PDILT: variants seen among roughly 807,000 people sequenced by gnomAD.
PDILT encodes protein disulfide-isomerase-like protein of the testis.
Under a neutral mutation model 53.7 loss-of-function variants are expected in PDILT, and 43 were observed. The observed-to-expected ratio is 0.80, with a 90% CI of 0.63 to 1.03. The LOEUF (loss-of-function observed/expected upper bound fraction) is 1.03. Ranked by LOEUF, PDILT falls within the 50% of genes least tolerant of loss-of-function variation. The pLI is 0.00. For synonymous variants in PDILT, 282 were observed against 274.2 expected, an observed-to-expected ratio of 1.03 and a Z score of -0.28; for missense variants, 727 against 712.3, an observed-to-expected ratio of 1.02 and a Z score of -0.24.
chr16:20,400,046 C>T (rs60580363), intron 1 of PDILT, among the ~76,000 whole-genome samples: 1 of 122,166 alleles, frequency 8.2e-6, no homozygotes, highest in African/African-American at 3.7e-5. Context: ...ATCTATCTAT[C>T]TATCTATCTA....
intron 1 of PDILT, among the ~76,000 whole-genome samples, chr16:20,400,281 G>A (rs1046473075): frequency 5.9e-5 from 9 of 151,876 alleles, no homozygotes; most frequent in Non-Finnish European, 8.8e-5. Flanking sequence ...CACCATGTTG[G>A]CCAGGCTGGT....
chr16:20,360,143 T>C (rs1966076476), intron 11 of PDILT, among the ~76,000 whole-genome samples: 1 of 152,108 alleles, frequency 6.6e-6, no homozygotes, highest in African/African-American at 2.4e-5. Flanking sequence ...AAGAGTAGTG[T>C]CTGAAATTTC....
intron 2 of PDILT, chr16:20,386,021 A>C (rs1373358865): frequency 6.6e-6 from 1 of 152,192 alleles, no homozygotes; most frequent in Non-Finnish European, 1.5e-5. Context: ...GCAGGTAAGG[A>C]AAACCAGGTG....
Position 20,374,863 on chromosome 16 carries a change from G to C in PDILT, c.640C>G (p.Arg214Gly), listed in dbSNP as rs144890989. ...GVITIGNVIG[R>G]FHVTLDSVLV... ...ACGCTGTCAAGGGTGACGTGGAAAC[G>C]CCCAATGACATTGCCAATCGTTATG... is the stretch of plus-strand genomic sequence containing the variant. The change falls in exon 5 of 12, where the codon CGT becomes GGT. Residue 214 changes from arginine to glycine, a missense_variant. By Grantham distance (125) the Arg-to-Gly change is moderately radical (BLOSUM62 -2). Coordinates refer to ENST00000302451, the MANE Select transcript of PDILT (RefSeq NM_174924.2). 231 of 1,613,988 alleles carry C rather than the reference G, an allele frequency of 1.4e-4. 3 individuals are homozygous for C. The African/African-American group carries it at 2.5e-3, about 18-fold the overall frequency.
rs563116563 is a variant in PDILT at position 20,381,878 on chromosome 16, C to CA, written c.409+2766dup. On this transcript the variant is annotated intron_variant, in intron 3 of 11. Coordinates refer to ENST00000302451, the MANE Select transcript of PDILT (RefSeq NM_174924.2). ...TGGGTGCTTCCAATTCCATTGTATT[C>CA]AAAATCTAAAACTTTTATTATTATT... Among the ~76,000 whole-genome samples, 10 of 152,142 alleles carry CA rather than the reference C, an allele frequency of 6.6e-5. No individual in the cohort carries two copies. In the East Asian group the frequency reaches 1.2e-3, roughly 18 times the overall value.
chr16:20,371,773 G>C (rs948863777), intron 7 of PDILT, among the ~76,000 whole-genome samples: 1 of 151,612 alleles, frequency 6.6e-6, no homozygotes, highest in African/African-American at 2.4e-5. Flanking sequence ...GAGAAACAGA[G>C]AAAAAGCAAT....
chr16:20,384,892 G>A (rs761415223), intron 2 of PDILT, 41 bp from the exon 3 acceptor site: 23 of 1,572,972 alleles, frequency 1.5e-5, no homozygotes, highest in African/African-American at 4.1e-5. Context: ...GCCTTTCCTC[G>A]CTCCCCATCT....
chr16:20,365,607 C>T, intron 8 of PDILT, 67 bp from the exon 9 acceptor site: 3 of 1,559,046 alleles, frequency 1.9e-6, no homozygotes, highest in South Asian at 1.2e-5. Context: ...GGCTCCCCAC[C>T]TTGATTGGAA....
intron 8 of PDILT, among the ~76,000 whole-genome samples, chr16:20,367,668 T>C (rs1966233950): frequency 1.3e-5 from 2 of 152,136 alleles, no homozygotes; most frequent in Non-Finnish European, 2.9e-5. Context: ...GCCTCCAATG[T>C]GAGGACATCT....
intron 1 of PDILT, among the ~76,000 whole-genome samples, chr16:20,402,294 T>TTTCTTTTC (rs1382930605): frequency 4.0e-5 from 6 of 150,622 alleles, no homozygotes; most frequent in African/African-American, 1.5e-4. Flanking sequence ...GTGTTGATCT[T>TTTCTTTTC]TTCTTTTCTT....
intron 5 of PDILT, among the ~76,000 whole-genome samples, chr16:20,373,558 C>T (rs1966337952): frequency 6.6e-6 from 1 of 152,222 alleles, no homozygotes; most frequent in African/African-American, 2.4e-5. Context: ...ATAAAGCTGC[C>T]TCCTTACATG....
intron 3 of PDILT, among the ~76,000 whole-genome samples, chr16:20,383,501 G>A (rs551516047): frequency 6.2e-4 from 93 of 150,850 alleles, no homozygotes; most frequent in African/African-American, 2.2e-3. Flanking sequence ...AGCCTGCTGG[G>A]AGCTGCAGCC....
At position 20,376,187 on chromosome 16, in the gene PDILT, C is replaced by G; in HGVS notation, c.424G>C (p.Ala142Pro). The change falls in exon 4 of 12, where the codon GCT becomes CCT. Residue 142 changes from alanine (A) to proline (P), a missense_variant. By Grantham distance (27) the Ala-to-Pro change is conservative. Coordinates refer to ENST00000302451, the MANE Select transcript of PDILT (RefSeq NM_174924.2). Reference sequence around the variant, plus strand: ...CGTCTCAACCAAACGACTAAGGCAGCAGATTCAACCACTCCTGGAGAAAGA... The same window carrying G: ...CGTCTCAACCAAACGACTAAGGCAGGAGATTCAACCACTCCTGGAGAAAGA... ...PISCKGVVES[A>P]ALVVWLRRQI... The G allele has an allele frequency of 6.2e-7, 1 of 1,614,162 alleles. No homozygotes were observed. Among genetic ancestry groups the G allele is most frequent in the Non-Finnish European group, 8.5e-7 (1 of 1,180,020 alleles).
chr16:20,392,285 G>A (rs1253908874), intron 2 of PDILT, among the ~76,000 whole-genome samples: 1 of 152,208 alleles, frequency 6.6e-6, no homozygotes, highest in Non-Finnish European at 1.5e-5. Context: ...AGGAGCAGCA[G>A]ATTGTTGGGA....
At chr16:20,370,400 G>T (rs1888884317) in intron 7 of PDILT, among the ~76,000 whole-genome samples, 1 of 152,204 alleles carries the variant, frequency 6.6e-6, no homozygotes, top group African/African-American at 2.4e-5. Flanking sequence ...TAAGGTAGGG[G>T]CTCAGGATTA....
At chr16:20,370,776 G>A (rs1966295032) in intron 7 of PDILT, among the ~76,000 whole-genome samples, 1 of 152,104 alleles carries the variant, frequency 6.6e-6, no homozygotes, top group African/African-American at 2.4e-5. Flanking sequence ...TAGTAAAGAA[G>A]CCAGCCCAAA....
intron 3 of PDILT, 125 bp downstream of exon 3, chr16:20,384,520 T>A: frequency 8.6e-7 from 1 of 1,168,500 alleles, no homozygotes; most frequent in African/African-American, 1.5e-5. Context: ...AAGGGCAGAG[T>A]CACAAGCTGG....
At position 20,359,176 on chromosome 16, in the gene PDILT, A is replaced by G; in HGVS notation, c.*143T>C. Reference sequence around the variant, plus strand: ...GGTCATGAGTAAAACAGAGCCAAGGACACTCAGAGGCTTTATTATCCACCC... The same window carrying G: ...GGTCATGAGTAAAACAGAGCCAAGGGCACTCAGAGGCTTTATTATCCACCC... On this transcript the variant is annotated 3_prime_UTR_variant, in exon 12 of 12. Transcript: ENST00000302451. 5.2e-6 allele frequency: 7 copies of G among 1,334,928 alleles called. No homozygotes were observed. In the South Asian group the frequency reaches 8.7e-5, roughly 17 times the overall value. The allele number at this position is 1,334,928 out of a possible 1,614,324, so 82.7% of individuals were successfully genotyped here.
intron 11 of PDILT, among the ~76,000 whole-genome samples, chr16:20,360,001 A>G (rs566392159): frequency 6.6e-6 from 1 of 152,222 alleles, no homozygotes; most frequent in African/African-American, 2.4e-5. Flanking sequence ...TGGGGAAATG[A>G]CTACTTGAGA....
Sources: allele counts gnomAD v4.1 joint callset (sites outside exome capture counted in the v4.1 genomes callset), GRCh38; gene constraint gnomAD v4.1.1; transcripts MANE v1.5; gene names NCBI Gene and HGNC (gene_info 2026-07-23, HGNC 2026-07-21).